The following AKT3 variants were observed in gnomAD, a reference collection of about 807,000 sequenced individuals.
AKT3 encodes RAC-gamma serine/threonine-protein kinase.
AKT3 carries 15 observed loss-of-function variants against 65.3 expected under a neutral mutation model. The ratio of observed to expected loss-of-function variants is 0.23; its 90% confidence interval spans 0.15 to 0.35. The LOEUF (loss-of-function observed/expected upper bound fraction) is 0.35, where lower values mean the gene tolerates loss of function less well. Ranked by LOEUF, AKT3 falls within the 10% of genes least tolerant of loss-of-function variation. The pLI, the probability that AKT3 is intolerant of heterozygous loss-of-function variation, is 1.00. For synonymous variants in AKT3, 206 were observed against 183.8 expected (o/e 1.12, Z -0.98); for missense variants, 243 against 576.5 (o/e 0.42, Z 5.92).
chr1:243,519,552 A>C (rs1372584221), intron 12 of AKT3, among the ~76,000 whole-genome samples: 1 of 152,166 alleles, frequency 6.6e-6, no homozygotes, highest in Non-Finnish European at 1.5e-5. Flanking sequence ...TCTGGAGGGC[A>C]GGAGAATGAT....
intron 3 of AKT3, among the ~76,000 whole-genome samples, chr1:243,674,986 T>C (rs1409638791): frequency 6.6e-6 from 1 of 152,156 alleles, no homozygotes; most frequent in Non-Finnish European, 1.5e-5. Flanking sequence ...CTTCTCCTTT[T>C]TGGAGTCCGC....
At chr1:243,751,023 C>A (rs1179617752) in intron 2 of AKT3, among the ~76,000 whole-genome samples, 1 of 152,056 alleles carries the variant, frequency 6.6e-6, no homozygotes. Context: ...TGAGATAATG[C>A]TTTGGAAAAA....
At chr1:243,849,379 C>A (rs1488721801) in intron 1 of AKT3, among the ~76,000 whole-genome samples, 2 of 101,042 alleles carry the variant, frequency 2.0e-5, no homozygotes, top group South Asian at 7.2e-4. Flanking sequence ...CCACCTCCCA[C>A]ACACACACCC....
At chr1:243,593,622 C>A (rs1676390099) in intron 8 of AKT3, among the ~76,000 whole-genome samples, 2 of 152,028 alleles carry the variant, frequency 1.3e-5, no homozygotes, top group South Asian at 4.2e-4. Flanking sequence ...GGGAATAAAC[C>A]TGGAAGCTGC....
At chr1:243,579,947 T>C (rs570537194) in intron 8 of AKT3, among the ~76,000 whole-genome samples, 1 of 152,218 alleles carries the variant, frequency 6.6e-6, no homozygotes, top group South Asian at 2.1e-4. Flanking sequence ...AATATAAAAT[T>C]AAAAAACTAG....
At chr1:243,552,079 C>A (rs905207656) in intron 11 of AKT3, among the ~76,000 whole-genome samples, 1 of 151,910 alleles carries the variant, frequency 6.6e-6, no homozygotes, top group Non-Finnish European at 1.5e-5. Context: ...CACTTGAGGT[C>A]GGGAGTTCAA....
chr1:243,777,583 G>A (rs1325203259), intron 2 of AKT3, among the ~76,000 whole-genome samples: 1 of 152,172 alleles, frequency 6.6e-6, no homozygotes, highest in Non-Finnish European at 1.5e-5. Context: ...AACTTGAGAT[G>A]AATAGAATCA....
chr1:243,827,509 C>T (rs542229710), intron 2 of AKT3, among the ~76,000 whole-genome samples: 2 of 152,084 alleles, frequency 1.3e-5, no homozygotes, highest in Non-Finnish European at 2.9e-5. Context: ...AAAAAATACA[C>T]TTAAGCCTCT....
chr1:243,661,690 C>A lies in AKT3; in HGVS notation c.284+3082G>T, dbSNP rs1193879711. Among the ~76,000 whole-genome samples, 149 of 151,288 alleles carry A rather than the reference C, an allele frequency of 9.8e-4. 1 individual carries two copies. The highest frequency in any genetic ancestry group is 6.8e-3 in the Middle Eastern group (2 of 294). On this transcript the variant is annotated intron_variant, in intron 4 of 13. Coordinates refer to ENST00000673466, the MANE Select transcript of AKT3 (RefSeq NM_005465.7). The stretch of plus-strand genomic sequence containing the variant: ...ACACAAAAAGCAATGGCAACAAAAG[C>A]CAAAATTGACAAATGGGATCTAATT...
intron 12 of AKT3, among the ~76,000 whole-genome samples, chr1:243,519,523 G>T (rs1474085619): frequency 6.6e-6 from 1 of 152,086 alleles, no homozygotes; most frequent in East Asian, 1.9e-4. Flanking sequence ...GGTGCTCAAG[G>T]CATTTTGCTT....
At chr1:243,591,524 G>T (rs910731161) in intron 8 of AKT3, among the ~76,000 whole-genome samples, 1 of 151,858 alleles carries the variant, frequency 6.6e-6, no homozygotes. Flanking sequence ...AAAAATTAAC[G>T]GACATAAAAA....
intron 9 of AKT3, among the ~76,000 whole-genome samples, chr1:243,568,372 A>T (rs1674323491): frequency 6.6e-6 from 1 of 152,200 alleles, no homozygotes; most frequent in African/African-American, 2.4e-5. Flanking sequence ...TATATTAAAA[A>T]TCTAAGTAAT....
intron 2 of AKT3, among the ~76,000 whole-genome samples, chr1:243,715,710 G>A (rs1248497462): frequency 1.3e-5 from 2 of 152,024 alleles, no homozygotes; most frequent in Non-Finnish European, 1.5e-5. Context: ...ATTTTTAGAA[G>A]AGAAACTTTT....
At chr1:243,495,721 C>T (rs531320116), downstream of AKT3, among the ~76,000 whole-genome samples, 8 of 152,312 alleles carry the variant, frequency 5.3e-5, no homozygotes, top group Admixed American at 1.3e-4. Flanking sequence ...GCTCGAAGGC[C>T]GCGTTTCCCC....
chr1:243,504,009 G>C lies in AKT3; in HGVS notation c.*1240C>G, dbSNP rs1012328485. 4.4e-6 allele frequency: 1 copy of C among 225,040 alleles called. No homozygotes were observed. The highest frequency in any genetic ancestry group is 2.2e-5 in the African/African-American group (1 of 44,888). 13.9% of individuals were successfully genotyped at this position (225,040 alleles called of 1,614,324 possible). ...GGGATTTTCTCATTTTCAGTACCAA[G>C]GGGTTAAATGGCAGCATCTCTTCTC... On this transcript the variant is annotated 3_prime_UTR_variant, in exon 14 of 14. Coordinates refer to ENST00000673466, the MANE Select transcript of AKT3 (RefSeq NM_005465.7).
At chr1:243,515,616 T>TA (rs1448346889) in intron 12 of AKT3, among the ~76,000 whole-genome samples, 1 of 152,238 alleles carries the variant, frequency 6.6e-6, no homozygotes, top group Non-Finnish European at 1.5e-5. Flanking sequence ...TATCTATTGT[T>TA]AGATTTGATT....
chr1:243,654,570 C>A (rs1198182454), intron 4 of AKT3, among the ~76,000 whole-genome samples: 2 of 152,182 alleles, frequency 1.3e-5, no homozygotes, highest in East Asian at 3.8e-4. Context: ...CCTCCTGCCT[C>A]AGCCTTCCAA....
At chr1:243,789,868 T>A (rs1156936228) in intron 2 of AKT3, among the ~76,000 whole-genome samples, 2 of 152,228 alleles carry the variant, frequency 1.3e-5, no homozygotes, top group Admixed American at 1.3e-4. Context: ...CTTGTCCATC[T>A]CTATCAGAGC....
At chr1:243,844,113 GA>G (rs1221517775) in intron 1 of AKT3, among the ~76,000 whole-genome samples, 1 of 152,080 alleles carries the variant, frequency 6.6e-6, no homozygotes, top group Non-Finnish European at 1.5e-5. Flanking sequence ...TATGAAAGTA[GA>G]AAAAAATATT....
Sources: gnomAD v4.1 joint callset for allele counts (sites outside exome capture counted in the v4.1 genomes callset) on GRCh38, gnomAD v4.1.1 for gene constraint, MANE v1.5 for transcripts, NCBI Gene and HGNC (gene_info 2026-07-23, HGNC 2026-07-21) for gene names.